NF1: variants seen among roughly 807,000 people sequenced by gnomAD.
NF1 encodes neurofibromin.
A neutral mutation model predicts 325.7 loss-of-function variants in NF1; 122 were observed. The ratio of observed to expected loss-of-function variants is 0.37; its 90% CI spans 0.32 to 0.44. The LOEUF (loss-of-function observed/expected upper bound fraction) is 0.44, where lower values mean the gene tolerates loss of function less well. Among genes scored for constraint, NF1 ranks in the 20% least tolerant of loss-of-function variants. The pLI is 1.00. For synonymous variants in NF1, 1,091 were observed against 1,186.0 expected (o/e 0.92, Z 1.65); for missense variants, 2,140 against 3,415.4 (o/e 0.63, Z 9.31).
intron 12 of NF1, among the ~76,000 whole-genome samples, chr17:31,208,659 G>A (rs1054022204): frequency 6.6e-6 from 1 of 152,164 alleles, no homozygotes; most frequent in Non-Finnish European, 1.5e-5. Context: ...GGGAGGCCAA[G>A]GTGTGCGGAT....
rs767650263 is a variant in NF1 at position 31,235,603 on chromosome 17, G to C, written c.3709-8G>C. ...GTTTGCACTAACCTGATTTTGTTTT[G>C]TTCTCAGGATGAACTAGCTCGAGTT... On this transcript the variant is annotated splice_polypyrimidine_tract_variant and splice_region_variant and intron_variant, in intron 27 of 57. Coordinates refer to ENST00000358273, the MANE Select transcript of NF1 (RefSeq NM_001042492.3). The C allele has an allele frequency of 1.3e-5, 21 of 1,613,572 alleles. No individual in the cohort carries two copies. The Admixed American group carries it at 3.5e-4, about 27-fold the overall frequency.
At chr17:31,215,685 A>G (rs755558016) in intron 13 of NF1, among the ~76,000 whole-genome samples, 2 of 152,252 alleles carry the variant, frequency 1.3e-5, no homozygotes, top group South Asian at 2.1e-4. Flanking sequence ...TGTGTCTTTC[A>G]TAGGATGACA....
chr17:31,304,256 G>A (rs2068645281), intron 36 of NF1: 2 of 1,576,490 alleles, frequency 1.3e-6, no homozygotes, highest in East Asian at 2.2e-5. Context: ...AAAGCAAGTT[G>A]TAATATTTAT....
chr17:31,287,478 A>T (rs1389090129), intron 36 of NF1, among the ~76,000 whole-genome samples: 1 of 151,592 alleles, frequency 6.6e-6, no homozygotes, highest in Non-Finnish European at 1.5e-5. Flanking sequence ...AGAGCGAAGC[A>T]GTTTTCCTGT....
intron 22 of NF1, 38 bp downstream of exon 22, chr17:31,230,012 G>A (rs2151430965): frequency 6.2e-7 from 1 of 1,610,708 alleles, no homozygotes; most frequent in Non-Finnish European, 8.5e-7. Context: ...AACATTTTAA[G>A]AGATAAGAAA....
chr17:31,126,098 G>A (rs1460859508), intron 1 of NF1, among the ~76,000 whole-genome samples: 1 of 152,066 alleles, frequency 6.6e-6, no homozygotes, highest in African/African-American at 2.4e-5. Context: ...TAAGGCAGGG[G>A]AATTGCTTGA....
chr17:31,208,826 G>A (rs2066670355), intron 12 of NF1, among the ~76,000 whole-genome samples: 1 of 152,046 alleles, frequency 6.6e-6, no homozygotes, highest in African/African-American at 2.4e-5. Context: ...GGGAGGCAGA[G>A]GTTGCAGTGA....
intron 36 of NF1, among the ~76,000 whole-genome samples, chr17:31,315,981 T>C (rs913868797): frequency 6.6e-6 from 1 of 152,090 alleles, no homozygotes; most frequent in Non-Finnish European, 1.5e-5. Context: ...AGGCTGGTCT[T>C]GAACTCCTGA....
chr17:31,362,448 C>A, intron 57 of NF1: 1 of 659,208 alleles, frequency 1.5e-6, no homozygotes, highest in African/African-American at 2.0e-5. Context: ...TTATACAGTT[C>A]TTATCTAGAA....
intron 1 of NF1, among the ~76,000 whole-genome samples, chr17:31,125,356 G>A (rs1914791160): frequency 6.6e-6 from 1 of 151,486 alleles, no homozygotes; most frequent in Non-Finnish European, 1.5e-5. Context: ...TGCACATTTG[G>A]ATTGTTTCTA....
chr17:31,207,765 A>G (rs2066649349), intron 12 of NF1, among the ~76,000 whole-genome samples: 1 of 152,182 alleles, frequency 6.6e-6, no homozygotes, highest in Admixed American at 6.5e-5. Context: ...TTTTAAAACT[A>G]CTTGAAATAA....
At chr17:31,140,537 A>G (rs1272900473) in intron 1 of NF1, among the ~76,000 whole-genome samples, 1 of 152,222 alleles carries the variant, frequency 6.6e-6, no homozygotes, top group Non-Finnish European at 1.5e-5. Context: ...TATCACTTAA[A>G]ATCCTTATTT....
intron 30 of NF1, 140 bp from the exon 31 acceptor site, chr17:31,252,798 A>G (rs1290078809): frequency 4.3e-6 from 3 of 703,182 alleles, no homozygotes; most frequent in Non-Finnish European, 7.4e-6. Context: ...TCATTCCTCA[A>G]AATTCAGTTG....
chr17:31,126,190 A>T (rs1313891059), intron 1 of NF1, among the ~76,000 whole-genome samples: 1 of 152,036 alleles, frequency 6.6e-6, no homozygotes, highest in Non-Finnish European at 1.5e-5. Context: ...CTTCGTCTAA[A>T]AAAAAAGAAA....
chr17:31,148,021 A>G (rs1916696063), intron 1 of NF1, among the ~76,000 whole-genome samples: 1 of 152,170 alleles, frequency 6.6e-6, no homozygotes, highest in Non-Finnish European at 1.5e-5. Context: ...CCAGGGGAAA[A>G]GCAGCTGCAG....
At chr17:31,255,242 A>G (rs2067562949) in intron 31 of NF1, among the ~76,000 whole-genome samples, 1 of 152,140 alleles carries the variant, frequency 6.6e-6, no homozygotes, top group African/African-American at 2.4e-5. Flanking sequence ...AGCTTTTACC[A>G]AGGGAAGAAA....
intron 51 of NF1, among the ~76,000 whole-genome samples, chr17:31,353,400 G>A (rs1236329109): frequency 6.6e-6 from 1 of 152,198 alleles, no homozygotes; most frequent in Non-Finnish European, 1.5e-5. Flanking sequence ...GAGGGACTCA[G>A]GTGGGAGGAT....
At chr17:31,293,304 T>C (rs1355222049) in intron 36 of NF1, among the ~76,000 whole-genome samples, 2 of 151,398 alleles carry the variant, frequency 1.3e-5, no homozygotes, top group Admixed American at 6.6e-5. Context: ...AATTAGTCCC[T>C]ATCATGGATG....
intron 57 of NF1, among the ~76,000 whole-genome samples, chr17:31,364,913 T>G (rs1355579407): frequency 6.6e-6 from 1 of 152,200 alleles, no homozygotes; most frequent in East Asian, 1.9e-4. Flanking sequence ...CTTTATGATA[T>G]ATAAGGATAT....
Sources: gnomAD v4.1 joint callset for allele counts (sites outside exome capture counted in the v4.1 genomes callset) on GRCh38, gnomAD v4.1.1 for gene constraint, MANE v1.5 for transcripts, NCBI Gene and HGNC (gene_info 2026-07-23, HGNC 2026-07-21) for gene names.